Variants in GXYLT1 observed in about 807,000 individuals in gnomAD.
GXYLT1 encodes the protein glycosyltransferase 8 domain containing 3.
GXYLT1 carries 29 observed loss-of-function variants against 54.0 expected under a neutral mutation model. That is an observed-to-expected ratio of 0.54 (90% CI 0.40 to 0.73). The LOEUF is 0.73. GXYLT1 is among the 30% of genes least tolerant of loss of function. The probability of loss-of-function intolerance (pLI) is 0.00; values close to 1 mark genes in which losing one functional copy is unlikely to be tolerated. For missense variants in GXYLT1, 490 were observed against 553.4 expected, an observed-to-expected ratio of 0.89 and a Z score of 1.15; for synonymous variants, 176 against 204.1, an observed-to-expected ratio of 0.86 and a Z score of 1.17.
At chr12:42,110,488 T>C (rs1371725650) in intron 3 of GXYLT1, among the ~76,000 whole-genome samples, 4 of 152,224 alleles carry the variant, frequency 2.6e-5, no homozygotes. Context: ...TATCTTCCAA[T>C]ATAGTTTAAG....
intron 4 of GXYLT1, among the ~76,000 whole-genome samples, chr12:42,107,154 G>C (rs558780222): frequency 5.9e-5 from 9 of 152,156 alleles, no homozygotes; most frequent in Admixed American, 5.9e-4. Flanking sequence ...ATAAATAGGT[G>C]AATCTAAACC....
intron 5 of GXYLT1, among the ~76,000 whole-genome samples, chr12:42,102,788 A>C (rs2065397339): frequency 6.6e-6 from 1 of 152,150 alleles, no homozygotes; most frequent in African/African-American, 2.4e-5. Context: ...GGCAAATACG[A>C]TACTGCAAAA....
At chr12:42,105,412 G>A (rs138966377) in intron 5 of GXYLT1, among the ~76,000 whole-genome samples, 34 of 152,172 alleles carry the variant, frequency 2.2e-4, no homozygotes, top group African/African-American at 6.7e-4. Context: ...TCCATTTTAC[G>A]GGTGAGAACA....
At chr12:42,124,467 T>G (rs912640905) in intron 2 of GXYLT1, among the ~76,000 whole-genome samples, 5 of 152,000 alleles carry the variant, frequency 3.3e-5, no homozygotes, top group African/African-American at 9.7e-5. Flanking sequence ...ACATTAAAAA[T>G]TCAATAGATA....
At chr12:42,142,813 C>T (rs1362375397) in intron 1 of GXYLT1, among the ~76,000 whole-genome samples, 1 of 152,074 alleles carries the variant, frequency 6.6e-6, no homozygotes, top group Non-Finnish European at 1.5e-5. Context: ...TTCTTATGCG[C>T]GCAAATGTGG....
chr12:42,120,100 G>A (rs2065521638), intron 2 of GXYLT1, among the ~76,000 whole-genome samples: 1 of 151,906 alleles, frequency 6.6e-6, no homozygotes, highest in Non-Finnish European at 1.5e-5. Context: ...TAGATTTGAA[G>A]GTCTTTCATT....
intron 2 of GXYLT1, among the ~76,000 whole-genome samples, chr12:42,127,251 C>G (rs1472993438): frequency 6.6e-6 from 1 of 152,102 alleles, no homozygotes; most frequent in African/African-American, 2.4e-5. Context: ...GGCTTGTATG[C>G]ATATTTGAAA....
At chr12:42,105,358 T>C (rs1329887724) in intron 5 of GXYLT1, among the ~76,000 whole-genome samples, 1 of 152,208 alleles carries the variant, frequency 6.6e-6, no homozygotes. Context: ...TTCTAACTCA[T>C]TTACTCCTCA....
intron 5 of GXYLT1, among the ~76,000 whole-genome samples, chr12:42,103,635 T>A (rs1305352808): frequency 4.6e-5 from 7 of 152,154 alleles, no homozygotes; most frequent in Non-Finnish European, 8.8e-5. Context: ...TCGACAATCC[T>A]AAGTATAATA....
intron 3 of GXYLT1, among the ~76,000 whole-genome samples, chr12:42,118,384 G>C (rs1592117079): frequency 6.6e-6 from 1 of 152,092 alleles, no homozygotes; most frequent in African/African-American, 2.4e-5. Context: ...CCTGGAACTA[G>C]AGTCACTAAA....
chr12:42,109,748 C>T, intron 3 of GXYLT1, 57 bp from the exon 4 acceptor site: 2 of 1,098,022 alleles, frequency 1.8e-6, no homozygotes, highest in Non-Finnish European at 2.6e-6. Context: ...TCTGTAAAAT[C>T]ATAAAACAAC....
intron 7 of GXYLT1, among the ~76,000 whole-genome samples, chr12:42,092,937 T>C (rs1400966064): frequency 6.6e-6 from 1 of 152,206 alleles, no homozygotes; most frequent in Non-Finnish European, 1.5e-5. Flanking sequence ...TTCAAAGTCA[T>C]CCTGGGCTGC....
chr12:42,131,745 T>A (rs1474297697), intron 1 of GXYLT1, among the ~76,000 whole-genome samples: 1 of 152,212 alleles, frequency 6.6e-6, no homozygotes, highest in African/African-American at 2.4e-5. Context: ...TTTTCTTAAG[T>A]CTTTGATTTC....
intron 2 of GXYLT1, among the ~76,000 whole-genome samples, chr12:42,121,229 A>G (rs1446544495): frequency 1.3e-5 from 2 of 152,234 alleles, no homozygotes; most frequent in Admixed American, 1.3e-4. Context: ...ATCTTGCCCC[A>G]AAGTCAAAGG....
intron 5 of GXYLT1, among the ~76,000 whole-genome samples, chr12:42,105,389 T>C (rs2065413242): frequency 6.6e-6 from 1 of 152,210 alleles, no homozygotes. Context: ...AAGACATTGG[T>C]AGTGCTATCA....
At chr12:42,126,078 T>TC (rs958436286) in intron 2 of GXYLT1, among the ~76,000 whole-genome samples, 2 of 150,810 alleles carry the variant, frequency 1.3e-5, no homozygotes, top group Non-Finnish European at 3.0e-5. Context: ...AGGAACTTTT[T>TC]TTTTTTTTTT....
chr12:42,137,960 T>C (rs2065630323), intron 1 of GXYLT1, among the ~76,000 whole-genome samples: 1 of 152,112 alleles, frequency 6.6e-6, no homozygotes, highest in Non-Finnish European at 1.5e-5. Flanking sequence ...ATCACTACTA[T>C]TTAATTTTCA....
At chr12:42,098,724 T>A (rs1000112666) in intron 5 of GXYLT1, among the ~76,000 whole-genome samples, 2 of 139,384 alleles carry the variant, frequency 1.4e-5, no homozygotes, top group Non-Finnish European at 3.1e-5. Flanking sequence ...ATCTTTCTAC[T>A]TATTTAAGTG....
chr12:42,102,316 T>C (rs758044053), intron 5 of GXYLT1, among the ~76,000 whole-genome samples: 6 of 152,244 alleles, frequency 3.9e-5, no homozygotes, highest in Non-Finnish European at 8.8e-5. Flanking sequence ...TCGTTGTTGT[T>C]ATTCTGCTCT....
Sources: allele counts gnomAD v4.1 joint callset (sites outside exome capture counted in the v4.1 genomes callset), GRCh38; gene constraint gnomAD v4.1.1; transcripts MANE v1.5; gene names NCBI Gene and HGNC (gene_info 2026-07-23, HGNC 2026-07-21).